GRPR: variants seen among roughly 807,000 people sequenced by gnomAD.
GRPR encodes gastrin-releasing peptide receptor.
Under a neutral mutation model 15.6 loss-of-function variants are expected in GRPR, and 4 were observed. The ratio of observed to expected loss-of-function variants is 0.26; its 90% CI spans 0.13 to 0.59. The LOEUF is 0.59. Among genes scored for constraint, GRPR ranks in the 20% least tolerant of loss-of-function variants. GRPR has a pLI of 0.90. For missense variants in GRPR, 270 were observed against 304.1 expected (o/e 0.89, Z 0.83); for synonymous variants, 128 against 126.8 (o/e 1.01, Z -0.06).
chrX:16,150,682 C>T (rs778077362), intron 2 of GRPR, 26 bp downstream of exon 2: 11 of 887,975 alleles, frequency 1.2e-5, no homozygotes, highest in Non-Finnish European at 1.7e-5. Flanking sequence ...TGATTCATTT[C>T]CTCCTTGGGG....
At chrX:16,125,895 G>T (rs1437198631) in intron 1 of GRPR, among the ~76,000 whole-genome samples, 1 of 111,629 alleles carries the variant, frequency 9.0e-6, no homozygotes, top group Non-Finnish European at 1.9e-5. Flanking sequence ...GCTGTGGCTT[G>T]TTACCAATGG....
At chrX:16,129,915 C>T (rs1321992109) in intron 1 of GRPR, among the ~76,000 whole-genome samples, 5 of 111,556 alleles carry the variant, frequency 4.5e-5, no homozygotes, top group African/African-American at 1.6e-4. Flanking sequence ...CCAAACTCTT[C>T]TCACTGCCTC....
intron 1 of GRPR, among the ~76,000 whole-genome samples, chrX:16,132,406 T>C (rs1922390877): frequency 8.9e-6 from 1 of 112,086 alleles, no homozygotes; most frequent in African/African-American, 3.2e-5. Context: ...ACATTAGATT[T>C]AGAAATCATA....
chrX:16,144,770 T>G (rs891245630), intron 1 of GRPR, among the ~76,000 whole-genome samples: 7 of 112,059 alleles, frequency 6.2e-5, no homozygotes, highest in African/African-American at 9.7e-5. Context: ...AGGACCAAAT[T>G]TGTCAGTCTA....
rs759296637 is a variant in GRPR, at chrX:16,129,791, C to T, written c.413+5425C>T. The stretch of plus-strand genomic sequence containing the variant: ...ATGAGGGGTCAGCTTTCCAGGTCTC[C>T]ACTGTGAACTTGTGTCTGATCCTTT... On this transcript the variant is annotated intron_variant, in intron 1 of 2. Transcript: ENST00000380289. Among the ~76,000 whole-genome samples the T allele has an allele frequency of 3.6e-5, 4 of 111,557 alleles. No individual in the cohort carries two copies. The East Asian group carries it at 1.1e-3, about 32-fold the overall frequency.
Position 16,152,623 on chromosome X carries a change from T to C in GRPR, c.1133T>C (p.Ile378Thr). 8.3e-7 allele frequency: 1 copy of C among 1,210,269 alleles called. No individual in the cohort carries two copies. Among genetic ancestry groups the C allele is most frequent in the Non-Finnish European group, 1.1e-6 (1 of 894,422 alleles). The change falls in exon 3 of 3, where the codon ATC becomes ACC. Residue 378 changes from isoleucine (I) to threonine (T), a missense_variant. Ile to Thr is a moderately conservative substitution (Grantham distance 89, BLOSUM62 -1). Coordinates refer to ENST00000380289, the MANE Select transcript of GRPR (RefSeq NM_005314.3). ...ACCTTTAGCCTCATCAATGGAAACA[T>C]CTGTCACGAGCGGTATGTCTAGATT... ...VATFSLINGN[I>T]CHERYV
intron 1 of GRPR, among the ~76,000 whole-genome samples, chrX:16,137,546 A>G (rs1181486244): frequency 8.9e-6 from 1 of 112,435 alleles, no homozygotes; most frequent in East Asian, 2.8e-4. Flanking sequence ...TTTTCATTAT[A>G]GGCTCATGTG....
At chrX:16,145,253 G>A (rs778813436) in intron 1 of GRPR, among the ~76,000 whole-genome samples, 5 of 111,950 alleles carry the variant, frequency 4.5e-5, no homozygotes, top group African/African-American at 9.7e-5. Context: ...CACACTAAAC[G>A]TCCATCAACA....
intron 1 of GRPR, among the ~76,000 whole-genome samples, chrX:16,148,485 C>A (rs1288752311): frequency 9.0e-6 from 1 of 111,128 alleles, no homozygotes; most frequent in Admixed American, 9.6e-5. Flanking sequence ...AGTGGTAAAC[C>A]AATGGAGGTC....
At chrX:16,136,781 A>G (rs762378591) in intron 1 of GRPR, among the ~76,000 whole-genome samples, 1 of 112,369 alleles carries the variant, frequency 8.9e-6, no homozygotes, top group Non-Finnish European at 1.9e-5. Flanking sequence ...ATCTGCCACA[A>G]TGTGTAAACA....
At chrX:16,149,524 A>G (rs1263019956) in intron 1 of GRPR, among the ~76,000 whole-genome samples, 1 of 109,422 alleles carries the variant, frequency 9.1e-6, no homozygotes, top group African/African-American at 3.3e-5. Flanking sequence ...TCTCCTGGGT[A>G]TTACTTTTTC....
At chrX:16,129,297 G>A (rs1175671114) in intron 1 of GRPR, among the ~76,000 whole-genome samples, 1 of 112,229 alleles carries the variant, frequency 8.9e-6, no homozygotes, top group Non-Finnish European at 1.9e-5. Context: ...GAGTTGTATG[G>A]TCTAACTTGG....
chrX:16,152,361 T>C lies in GRPR; in HGVS notation c.871T>C (p.Tyr291His). 1.7e-6 allele frequency: 2 copies of C among 1,210,054 alleles called. No individual in the cohort carries two copies. The highest frequency in any genetic ancestry group is 2.2e-6 in the Non-Finnish European group (2 of 893,892). ...CATCTACCTGTACCGCTCCTACCAC[T>C]ACTCTGAGGTGGACACCTCCATGCT... ...HVIYLYRSYH[Y>H]SEVDTSMLHF... Residue 291 changes from tyrosine to histidine, a missense_variant, in exon 3 of 3, where the codon TAC becomes CAC. Physicochemically the swap from Tyr to His is moderately conservative, Grantham distance 83. This residue lies in a region of GRPR where 133 missense variants were observed against 123.4 expected (regional missense o/e 1.08). Transcript: ENST00000380289.
rs1162246622 is a variant in GRPR at position 16,152,793 on chromosome X, G to C, written c.*148G>C. ...TGGGGGTGGGGAGGCCCAAATGATG[G>C]ATCACCATTATATTTTGAAAGAAGC... On this transcript the variant is annotated 3_prime_UTR_variant, in exon 3 of 3. Transcript: ENST00000380289. The C allele has an allele frequency of 5.8e-6, 3 of 518,889 alleles. No individual in the cohort carries two copies. Among genetic ancestry groups the C allele is most frequent in the Non-Finnish European group, 1.0e-5 (3 of 294,169 alleles). 42.8% of individuals were successfully genotyped at this position (518,889 alleles called of 1,213,427 possible).
chrX:16,142,621 C>T lies in GRPR; in HGVS notation c.414-7684C>T, dbSNP rs543919867. The stretch of plus-strand genomic sequence containing the variant: ...TACCTAATATATTAGTACAGTAGTA[C>T]ATATATATAATTTATACATTAACAT... On this transcript the variant is annotated intron_variant, in intron 1 of 2. Coordinates refer to ENST00000380289, the MANE Select transcript of GRPR (RefSeq NM_005314.3). 4.3e-4 allele frequency among the ~76,000 whole-genome samples: 48 copies of T among 111,874 alleles called. No individual in the cohort carries two copies. In the South Asian group the frequency reaches 0.017, roughly 40 times the overall value.
intron 1 of GRPR, among the ~76,000 whole-genome samples, chrX:16,149,775 T>C (rs1175828400): frequency 1.8e-5 from 2 of 110,954 alleles, no homozygotes; most frequent in African/African-American, 6.6e-5. Context: ...TAAGAGGTAT[T>C]CTTAAAATCA....
In GRPR at chrX:16,153,084, A is replaced by C; in HGVS notation, c.*439A>C. On this transcript the variant is annotated 3_prime_UTR_variant, in exon 3 of 3. Transcript: ENST00000380289. ...GCTAGTACTTTAGAAATATAACTTG[A>C]CTCTGTTTTCAGGAATATCTGTAAT... The C allele has an allele frequency of 6.8e-6, 1 of 146,383 alleles. No individual in the cohort carries two copies. The highest frequency in any genetic ancestry group is 1.4e-5 in the Non-Finnish European group (1 of 73,159). 12.1% of individuals were successfully genotyped at this position (146,383 alleles called of 1,213,427 possible). A position where few individuals can be genotyped will look rare whatever the true frequency, so the allele number is the denominator to read the frequency against.
chrX:16,143,922 A>G (rs1363632657), intron 1 of GRPR, among the ~76,000 whole-genome samples: 1 of 112,161 alleles, frequency 8.9e-6, no homozygotes, highest in East Asian at 2.8e-4. Flanking sequence ...TTCAAGGATG[A>G]GAATACTGAA....
rs775554615 is a variant in GRPR, at chrX:16,127,519, G to GTTCCTGGCTCTGT, written c.413+3163_413+3175dup. On this transcript the variant is annotated intron_variant, in intron 1 of 2. Coordinates refer to ENST00000380289, the MANE Select transcript of GRPR (RefSeq NM_005314.3). ...TCATACACAGTGGTTGCACTGATGTGTTCCTGGCTCTGTTTCCTGGCTTAT... is the reference window on the plus strand; with the variant it reads ...TCATACACAGTGGTTGCACTGATGTGTTCCTGGCTCTGTTTCCTGGCTCTGTTTCCTGGCTTAT... 4.6e-3 allele frequency among the ~76,000 whole-genome samples: 517 copies of GTTCCTGGCTCTGT among 111,192 alleles called. 1 individual carries two copies. The highest frequency in any genetic ancestry group is 6.7e-3 in the Non-Finnish European group (355 of 53,025).
Sources: gnomAD v4.1 joint callset for allele counts (sites outside exome capture counted in the v4.1 genomes callset) on GRCh38, gnomAD v4.1.1 for gene constraint, gnomAD v4.1.1 regional missense constraint, MANE v1.5 for transcripts, NCBI Gene and HGNC (gene_info 2026-07-23, HGNC 2026-07-21) for gene names.